Variants in ZBTB34 observed in about 807,000 individuals in gnomAD.
The protein encoded by ZBTB34 is zinc finger and BTB domain-containing protein 34.
ZBTB34 carries 1 observed loss-of-function variant against 33.4 expected under a neutral mutation model. The observed-to-expected ratio is 0.03, with a 90% confidence interval of 0.01 to 0.14. The LOEUF (loss-of-function observed/expected upper bound fraction) is 0.14. Among genes scored for constraint, ZBTB34 ranks in the 10% least tolerant of loss-of-function variants. The pLI, the probability that ZBTB34 is intolerant of heterozygous loss-of-function variation, is 1.00. For missense variants in ZBTB34, 406 were observed against 657.2 expected, an observed-to-expected ratio of 0.62 and a Z score of 4.18; for synonymous variants, 283 against 253.5, an observed-to-expected ratio of 1.12 and a Z score of -1.11.
chr9:126,880,257 A>G lies in ZBTB34; in HGVS notation c.858A>G (p.Ala286=). 1.2e-6 allele frequency: 2 copies of G among 1,613,906 alleles called. No homozygotes were observed. Among genetic ancestry groups the G allele is most frequent in the Non-Finnish European group, 1.7e-6 (2 of 1,179,900 alleles). The change falls in exon 2 of 2, where the codon GCA becomes GCG. Residue 286 remains alanine (A), a synonymous_variant. Transcript: ENST00000319119. The surrounding 1 kb of genome is among the most constrained non-coding windows in gnomAD (Gnocchi z 6.7). ...CCTATGGTTCTGTGCTCCAGCACGC[A>G]TACTCCTATTCCCAAGCAGCCTCAC...
At chr9:126,881,059 G>T (rs1245843582) in exon 2 of ZBTB34, 1 of 942,822 alleles carries the variant, frequency 1.1e-6, no homozygotes, top group African/African-American at 1.7e-5. Flanking sequence ...GGAACACTTC[G>T]TTGTGTTTAT....
At chr9:126,863,737 A>G (rs2033168657) in intron 1 of ZBTB34, 2 of 985,268 alleles carry the variant, frequency 2.0e-6, no homozygotes, top group South Asian at 4.7e-5. Context: ...TCCTTTTGTC[A>G]TAAGAGGCAG....
intron 1 of ZBTB34, among the ~76,000 whole-genome samples, chr9:126,878,557 A>G (rs965580748): frequency 6.6e-6 from 1 of 152,098 alleles, no homozygotes; most frequent in Non-Finnish European, 1.5e-5. Flanking sequence ...CAAAAGAGAT[A>G]TAAAGGTGTA....
intron 1 of ZBTB34, among the ~76,000 whole-genome samples, chr9:126,875,208 A>G (rs1046644495): frequency 6.6e-6 from 1 of 152,160 alleles, no homozygotes; most frequent in Non-Finnish European, 1.5e-5. Flanking sequence ...CAACTTTCTG[A>G]TATTGATTAC....
At chr9:126,870,629 A>G (rs2033264342) in intron 1 of ZBTB34, among the ~76,000 whole-genome samples, 1 of 152,250 alleles carries the variant, frequency 6.6e-6, no homozygotes, top group Non-Finnish European at 1.5e-5. Flanking sequence ...AACCTCATTT[A>G]TAATTAAACA....
intron 1 of ZBTB34, among the ~76,000 whole-genome samples, chr9:126,872,015 A>G (rs1451981483): frequency 6.6e-6 from 1 of 150,642 alleles, no homozygotes; most frequent in Non-Finnish European, 1.5e-5. Flanking sequence ...GTACAATGGC[A>G]CGATCTCGGC....
At chr9:126,883,161 G>A (rs1028200608) in exon 2 of ZBTB34, 18 of 166,222 alleles carry the variant, frequency 1.1e-4, no homozygotes, top group African/African-American at 4.3e-4. Flanking sequence ...AAATGTTTGT[G>A]GGTTTTTTTT....
intron 1 of ZBTB34, among the ~76,000 whole-genome samples, chr9:126,867,811 A>G: frequency 6.7e-6 from 1 of 149,728 alleles, no homozygotes; most frequent in Non-Finnish European, 1.5e-5. Context: ...CTGGCATAGG[A>G]ATAGAGTGGC....
At chr9:126,863,356 G>A (rs942090847) in intron 1 of ZBTB34, among the ~76,000 whole-genome samples, 1 of 152,144 alleles carries the variant, frequency 6.6e-6, no homozygotes, top group South Asian at 2.1e-4. Context: ...TCATTATTGG[G>A]TGTACATTTA....
rs2033375346 is a variant in ZBTB34, at chr9:126,877,296, A to G, written c.-10-2094A>G. Among the ~76,000 whole-genome samples the G allele has an allele frequency of 2.0e-5, 3 of 152,334 alleles. 1 individual carries two copies. The South Asian group carries it at 6.2e-4, about 32-fold the overall frequency. On this transcript the variant is annotated intron_variant, in intron 1 of 1. Coordinates refer to ENST00000319119, the Ensembl canonical transcript of ZBTB34. ...TAGACTCTACAATTGTTAACATTTT[A>G]CTGTGTTTGCTTTATCACATATCTG...
chr9:126,863,713 G>A (rs1415316030), intron 1 of ZBTB34: 2 of 985,272 alleles, frequency 2.0e-6, no homozygotes, highest in South Asian at 4.7e-5. Context: ...GCAAGTCAAG[G>A]TGAGCTTTTC....
chr9:126,863,076 A>G (rs1250790461), intron 1 of ZBTB34, among the ~76,000 whole-genome samples: 2 of 152,158 alleles, frequency 1.3e-5, no homozygotes, highest in African/African-American at 4.8e-5. Context: ...CCCTCTGATC[A>G]TGGGAAAAGG....
intron 1 of ZBTB34, among the ~76,000 whole-genome samples, chr9:126,872,612 T>G (rs1159209887): frequency 1.3e-5 from 2 of 151,890 alleles, no homozygotes; most frequent in Non-Finnish European, 2.9e-5. Flanking sequence ...CTGGGATCAC[T>G]GGACCTGATA....
chr9:126,872,298 T>C (rs2033291192), intron 1 of ZBTB34, among the ~76,000 whole-genome samples: 1 of 152,128 alleles, frequency 6.6e-6, no homozygotes, highest in Non-Finnish European at 1.5e-5. Flanking sequence ...GTGCCTATAG[T>C]CTATAGGGAG....
intron 1 of ZBTB34, among the ~76,000 whole-genome samples, chr9:126,870,753 C>T (rs547464964): frequency 4.3e-4 from 66 of 152,180 alleles, no homozygotes; most frequent in African/African-American, 1.6e-3. Flanking sequence ...ATGGTGAAAC[C>T]CCGTCTCTAC....
At chr9:126,865,813 T>C (rs1356677332) in intron 1 of ZBTB34, among the ~76,000 whole-genome samples, 1 of 152,142 alleles carries the variant, frequency 6.6e-6, no homozygotes, top group Non-Finnish European at 1.5e-5. Flanking sequence ...GGTAAAACCC[T>C]GTCTCTACTA....
In ZBTB34 at chr9:126,879,249, TA is replaced by T; in HGVS notation, c.-10-137del. 1 of 679,562 alleles carries T rather than the reference TA, an allele frequency of 1.5e-6. No homozygotes were observed. The highest frequency in any genetic ancestry group is 2.4e-6 in the Non-Finnish European group (1 of 418,044). The allele number at this position is 679,562 out of a possible 1,614,324, so 42.1% of individuals were successfully genotyped here. Reference sequence around the variant, plus strand: ...GTGAATTAACCAAAACATGAAAGACTAAAACAAGGGGAAGAATGCTTCAGGT... The same window carrying T: ...GTGAATTAACCAAAACATGAAAGACTAAACAAGGGGAAGAATGCTTCAGGT... On this transcript the variant is annotated intron_variant, in intron 1 of 1. Coordinates refer to ENST00000319119, the Ensembl canonical transcript of ZBTB34. The surrounding 1 kb of genome is among the most constrained non-coding windows in gnomAD (Gnocchi z 6.4).
chr9:126,872,575 A>G (rs1020133668), intron 1 of ZBTB34, among the ~76,000 whole-genome samples: 12 of 152,214 alleles, frequency 7.9e-5, no homozygotes, highest in Admixed American at 3.3e-4. Context: ...AATTGTGCCT[A>G]CGTAAGAGGC....
At position 126,880,996 on chromosome 9, in the gene ZBTB34, C is replaced by A; in HGVS notation, c.*82C>A. 1 of 1,423,496 alleles carries A rather than the reference C, an allele frequency of 7.0e-7. No homozygotes were observed. Among genetic ancestry groups the A allele is most frequent in the East Asian group, 2.4e-5 (1 of 41,860 alleles). The allele number at this position is 1,423,496 out of a possible 1,614,324, so 88.2% of individuals were successfully genotyped here. ...GCTTTGTTGTAATCTTTGGTTTTCCCAACCATCTGGAAATCTCTTGGTCTC... is the reference window on the plus strand; with the variant it reads ...GCTTTGTTGTAATCTTTGGTTTTCCAAACCATCTGGAAATCTCTTGGTCTC... On this transcript the variant is annotated 3_prime_UTR_variant, in exon 2 of 2. Coordinates refer to ENST00000319119, the Ensembl canonical transcript of ZBTB34. The surrounding 1 kb of genome is among the most constrained non-coding windows in gnomAD (Gnocchi z 6.7).
Sources: allele counts gnomAD v4.1 joint callset (sites outside exome capture counted in the v4.1 genomes callset), GRCh38; gene constraint gnomAD v4.1.1; non-coding constraint Gnocchi (gnomAD v3.1); transcripts MANE v1.5; gene names NCBI Gene and HGNC (gene_info 2026-07-23, HGNC 2026-07-21).